The following PPP3CC variants were observed in gnomAD, a reference collection of about 807,000 sequenced individuals.
PPP3CC encodes serine/threonine-protein phosphatase 2B catalytic subunit gamma isoform.
A neutral mutation model predicts 60.3 loss-of-function variants in PPP3CC; 35 were observed. The ratio of observed to expected loss-of-function variants is 0.58; its 90% CI spans 0.44 to 0.77. The LOEUF (loss-of-function observed/expected upper bound fraction) is 0.77. PPP3CC is among the 30% of genes least tolerant of loss of function. The pLI is 0.00. For missense variants in PPP3CC, 570 were observed against 628.9 expected, an observed-to-expected ratio of 0.91 and a Z score of 1.00; for synonymous variants, 206 against 224.3, an observed-to-expected ratio of 0.92 and a Z score of 0.73.
At chr8:22,471,046 G>A (rs1837706275) in intron 1 of PPP3CC, among the ~76,000 whole-genome samples, 1 of 152,178 alleles carries the variant, frequency 6.6e-6, no homozygotes, top group South Asian at 2.1e-4. Flanking sequence ...TTAGCATGTA[G>A]CTACCTGTGT....
At chr8:22,472,564 G>T (rs1014864375) in intron 1 of PPP3CC, among the ~76,000 whole-genome samples, 1 of 152,136 alleles carries the variant, frequency 6.6e-6, no homozygotes, top group Admixed American at 6.5e-5. Context: ...TGAAGGACCT[G>T]CCTGAGGCTC....
intron 1 of PPP3CC, among the ~76,000 whole-genome samples, chr8:22,451,994 G>A (rs1396541776): frequency 6.7e-6 from 1 of 149,718 alleles, no homozygotes; most frequent in African/African-American, 2.5e-5. Flanking sequence ...ATCTGTGAAT[G>A]GGCTCTTTGC....
chr8:22,492,014 A>C (rs1838419212), intron 3 of PPP3CC, among the ~76,000 whole-genome samples: 1 of 152,144 alleles, frequency 6.6e-6, no homozygotes, highest in Non-Finnish European at 1.5e-5. Flanking sequence ...TAAGGAGGGT[A>C]CGTTCTGAGA....
chr8:22,452,284 C>G (rs1837057068), intron 1 of PPP3CC, among the ~76,000 whole-genome samples: 1 of 152,062 alleles, frequency 6.6e-6, no homozygotes, highest in East Asian at 1.9e-4. Context: ...AAGTGTTCCT[C>G]CCACCTCCCA....
At chr8:22,503,762 G>A (rs2132523414) in intron 4 of PPP3CC, among the ~76,000 whole-genome samples, 1 of 152,250 alleles carries the variant, frequency 6.6e-6, no homozygotes, top group South Asian at 2.1e-4. Flanking sequence ...AGTTAAACCT[G>A]ATGGCTTTCT....
intron 8 of PPP3CC, chr8:22,523,602 CA>C: frequency 2.3e-6 from 1 of 444,406 alleles, no homozygotes; most frequent in Non-Finnish European, 4.5e-6. Flanking sequence ...TGTCCTTGTT[CA>C]AAAACATTTT....
At chr8:22,466,288 A>G (rs1428311122) in intron 1 of PPP3CC, among the ~76,000 whole-genome samples, 1 of 152,222 alleles carries the variant, frequency 6.6e-6, no homozygotes, top group Non-Finnish European at 1.5e-5. Flanking sequence ...GCAGTGCTGC[A>G]ATAAACATAC....
intron 3 of PPP3CC, among the ~76,000 whole-genome samples, chr8:22,480,507 C>G (rs1350082763): frequency 6.6e-6 from 1 of 152,192 alleles, no homozygotes; most frequent in African/African-American, 2.4e-5. Context: ...GAGACGGAGT[C>G]TCGCTCTGTC....
chr8:22,539,194 A>C (rs984622790), intron 12 of PPP3CC, among the ~76,000 whole-genome samples: 3 of 152,256 alleles, frequency 2.0e-5, no homozygotes, highest in African/African-American at 7.2e-5. Flanking sequence ...CAAGATATAA[A>C]GTAGCAGTTG....
At chr8:22,494,096 G>A (rs1838489924) in intron 3 of PPP3CC, among the ~76,000 whole-genome samples, 1 of 152,144 alleles carries the variant, frequency 6.6e-6, no homozygotes, top group Non-Finnish European at 1.5e-5. Flanking sequence ...ATTATGTGGT[G>A]CATGACTATA....
intron 1 of PPP3CC, among the ~76,000 whole-genome samples, chr8:22,472,232 A>G (rs956437739): frequency 2.6e-5 from 4 of 151,966 alleles, no homozygotes; most frequent in Admixed American, 2.0e-4. Context: ...CTTTTTTGTA[A>G]TAACACCTAG....
intron 3 of PPP3CC, among the ~76,000 whole-genome samples, chr8:22,476,668 C>CAA: frequency 6.6e-6 from 1 of 152,296 alleles, no homozygotes; most frequent in East Asian, 1.9e-4. Flanking sequence ...CACGGTGGCT[C>CAA]ACGCCTGTAA....
Position 22,521,680 on chromosome 8 carries a change from A to G in PPP3CC, c.771-811A>G, listed in dbSNP as rs182749969. ...TAAAAGTAAATTTGTTCTAATGAGC[A>G]TAATGAGAAACAAAGATTTTAAAAA... On this transcript the variant is annotated intron_variant, in intron 6 of 13. Transcript: ENST00000240139. 1.1e-3 allele frequency among the ~76,000 whole-genome samples: 163 copies of G among 152,358 alleles called. 3 individuals carry two copies. The Middle Eastern group carries it at 0.017, about 16-fold the overall frequency.
At chr8:22,535,902 T>C (rs895997589) in intron 12 of PPP3CC, among the ~76,000 whole-genome samples, 1 of 152,194 alleles carries the variant, frequency 6.6e-6, no homozygotes, top group Non-Finnish European at 1.5e-5. Context: ...CGGATAATTT[T>C]TTATATTTTA....
chr8:22,474,901 T>G, intron 1 of PPP3CC, 53 bp from the exon 2 acceptor site: 1 of 1,170,052 alleles, frequency 8.5e-7, no homozygotes, highest in Non-Finnish European at 1.1e-6. Context: ...TTGTGTTCTG[T>G]TTGTTCTCTA....
intron 3 of PPP3CC, chr8:22,492,988 C>A: frequency 7.9e-7 from 1 of 1,272,080 alleles, no homozygotes; most frequent in Middle Eastern, 2.6e-4. Flanking sequence ...CCCAAACAGT[C>A]TGTGAATGGA....
At chr8:22,471,715 C>T (rs551088113) in intron 1 of PPP3CC, among the ~76,000 whole-genome samples, 2 of 152,220 alleles carry the variant, frequency 1.3e-5, no homozygotes, top group Admixed American at 6.5e-5. Context: ...GGAAGTTGCT[C>T]TGGGTGAGTC....
intron 3 of PPP3CC, among the ~76,000 whole-genome samples, chr8:22,479,605 G>T (rs191317098): frequency 9.6e-4 from 146 of 152,044 alleles, no homozygotes; most frequent in Middle Eastern, 6.8e-3. Flanking sequence ...TTAGCCAGGT[G>T]TGGTGGTGGG....
intron 3 of PPP3CC, among the ~76,000 whole-genome samples, chr8:22,481,500 G>A (rs527686179): frequency 3.3e-5 from 5 of 150,912 alleles, no homozygotes; most frequent in African/African-American, 9.7e-5. Flanking sequence ...TACCTAATGA[G>A]GGCAACACAG....
Sources: gnomAD v4.1 joint callset for allele counts (sites outside exome capture counted in the v4.1 genomes callset) on GRCh38, gnomAD v4.1.1 for gene constraint, MANE v1.5 for transcripts, NCBI Gene and HGNC (gene_info 2026-07-23, HGNC 2026-07-21) for gene names.